Variants in FAT3 observed in about 807,000 individuals in gnomAD.
The protein encoded by FAT3 is FAT atypical cadherin 3, also known as protocadherin Fat 3.
A neutral mutation model predicts 310.2 loss-of-function variants in FAT3; 95 were observed. The observed-to-expected ratio is 0.31, with a 90% CI of 0.26 to 0.36. The LOEUF (loss-of-function observed/expected upper bound fraction) is 0.36, where lower values mean the gene tolerates loss of function less well. FAT3 is among the 10% of genes least tolerant of loss of function. The probability of loss-of-function intolerance (pLI) is 1.00; values close to 1 mark genes in which losing one functional copy is unlikely to be tolerated. For synonymous variants in FAT3, 2,314 were observed against 2,192.9 expected, an observed-to-expected ratio of 1.06 and a Z score of -1.54; for missense variants, 5,408 against 5,715.6, an observed-to-expected ratio of 0.95 and a Z score of 1.74.
At chr11:92,666,457 T>C (rs956103251) in intron 3 of FAT3, among the ~76,000 whole-genome samples, 1 of 151,404 alleles carries the variant, frequency 6.6e-6, no homozygotes, top group Non-Finnish European at 1.5e-5. Context: ...GTTCACGCCA[T>C]TCTCCTGCCT....
At chr11:92,270,479 G>A (rs1334410376) in intron 1 of FAT3, among the ~76,000 whole-genome samples, 1 of 151,078 alleles carries the variant, frequency 6.6e-6, no homozygotes, top group Non-Finnish European at 1.5e-5. Flanking sequence ...AGGAGTTCAA[G>A]ATCAGTCTGG....
chr11:92,393,466 C>A (rs1780558257), intron 2 of FAT3, among the ~76,000 whole-genome samples: 1 of 152,182 alleles, frequency 6.6e-6, no homozygotes, highest in Admixed American at 6.5e-5. Context: ...GCCAAACCAT[C>A]TGAACCATAT....
chr11:92,330,045 C>G (rs1565230828), intron 1 of FAT3, among the ~76,000 whole-genome samples: 2 of 152,022 alleles, frequency 1.3e-5, no homozygotes, highest in African/African-American at 4.8e-5. Context: ...CAACACTTAG[C>G]ATGAGAAGAA....
intron 6 of FAT3, among the ~76,000 whole-genome samples, chr11:92,768,182 G>T (rs1444902323): frequency 1.3e-5 from 2 of 152,060 alleles, no homozygotes; most frequent in East Asian, 3.9e-4. Context: ...GCACTTGTAG[G>T]TCTCTGAATG....
chr11:92,268,450 CAG>C (rs1946028489), intron 1 of FAT3, among the ~76,000 whole-genome samples: 1 of 140,366 alleles, frequency 7.1e-6, no homozygotes, highest in Non-Finnish European at 1.5e-5. Flanking sequence ...ACAATTGTAA[CAG>C]AAATTGGTAT....
intron 1 of FAT3, among the ~76,000 whole-genome samples, chr11:92,275,959 T>TGTGTGTGATACATATAAAATAC (rs1221795986): frequency 1.3e-5 from 2 of 152,186 alleles, no homozygotes; most frequent in Non-Finnish European, 2.9e-5. Context: ...ATCACGTTTA[T>TGTGTGTGATACATATAAAATAC]GTGTGTGATA....
intron 5 of FAT3, among the ~76,000 whole-genome samples, chr11:92,764,016 A>G (rs1439208308): frequency 6.6e-6 from 1 of 152,116 alleles, no homozygotes; most frequent in African/African-American, 2.4e-5. Flanking sequence ...GTAATACTTG[A>G]AAGTCCTTTT....
intron 1 of FAT3, among the ~76,000 whole-genome samples, chr11:92,280,068 A>T (rs1946382463): frequency 6.6e-6 from 1 of 152,194 alleles, no homozygotes; most frequent in African/African-American, 2.4e-5. Flanking sequence ...AATCTAGTAT[A>T]AAATCATAGG....
At chr11:92,400,608 C>T (rs1231659932) in intron 2 of FAT3, 2 of 151,864 alleles carry the variant, frequency 1.3e-5, no homozygotes, top group African/African-American at 2.4e-5. Context: ...TTCTTATAAA[C>T]AGCGCTATGA....
At chr11:92,719,229 A>C (rs1944783164) in intron 4 of FAT3, among the ~76,000 whole-genome samples, 2 of 152,284 alleles carry the variant, frequency 1.3e-5, no homozygotes, top group African/African-American at 4.8e-5. Flanking sequence ...GCCAGTTAGC[A>C]TTTCCTCCTC....
At chr11:92,673,603 A>T (rs1943197064) in intron 3 of FAT3, among the ~76,000 whole-genome samples, 1 of 152,114 alleles carries the variant, frequency 6.6e-6, no homozygotes, top group Non-Finnish European at 1.5e-5. Context: ...TTGCCTCCAA[A>T]AGTTTACAAT....
intron 9 of FAT3, among the ~76,000 whole-genome samples, chr11:92,794,638 G>A (rs961198510): frequency 6.6e-5 from 10 of 152,072 alleles, no homozygotes; most frequent in East Asian, 1.9e-4. Context: ...GTGCCCAGTC[G>A]TTTCTTTAAC....
intron 1 of FAT3, among the ~76,000 whole-genome samples, chr11:92,338,123 T>G (rs1405316698): frequency 6.6e-6 from 1 of 152,228 alleles, no homozygotes; most frequent in Non-Finnish European, 1.5e-5. Flanking sequence ...AAATTTCATC[T>G]AAATTCTTGT....
chr11:92,818,062 A>C (rs3847533), intron 13 of FAT3, among the ~76,000 whole-genome samples: 131,306 of 152,152 alleles, frequency 0.86, 56,732 homozygotes, highest in East Asian at 0.94. Flanking sequence ...TGTAAGAATC[A>C]AAAATGCTTG....
intron 2 of FAT3, among the ~76,000 whole-genome samples, chr11:92,429,144 G>A (rs1318494001): frequency 6.6e-6 from 1 of 151,980 alleles, no homozygotes; most frequent in Non-Finnish European, 1.5e-5. Context: ...GCCCTTCTTT[G>A]TCCTTTTTTA....
In FAT3 at chr11:92,883,013, G is replaced by C. The variant is rs1565676892; in HGVS notation, c.12557G>C (p.Arg4186Pro). 2 of 1,613,880 alleles carry C rather than the reference G, an allele frequency of 1.2e-6. No homozygotes were observed. The highest frequency in any genetic ancestry group is 8.5e-7 in the Non-Finnish European group (1 of 1,179,900). Residue 4186 changes from arginine (R) to proline (P), a missense_variant, in exon 24 of 28, where the codon CGC (arginine) becomes CCC (proline). Coordinates refer to ENST00000525166, the MANE Select transcript of FAT3 (RefSeq NM_001367949.2). The surrounding 1 kb of genome is among the most constrained non-coding windows in gnomAD (Gnocchi z 4.2). ...RKKVFRKNYS[R>P]NNITLVQDPA... ...AAGGTCTTCCGCAAGAACTACTCCC[G>C]CAACAACATCACGCTAGTGCAGGAC...
At chr11:92,585,865 C>A (rs1939121177) in intron 3 of FAT3, among the ~76,000 whole-genome samples, 1 of 151,426 alleles carries the variant, frequency 6.6e-6, no homozygotes, top group African/African-American at 2.4e-5. Flanking sequence ...GTACTTATTC[C>A]TACCAAAAAA....
Position 92,353,046 on chromosome 11 carries a change from T to C in FAT3, c.934T>C (p.Phe312Leu). 1 of 1,613,740 alleles carries C rather than the reference T, an allele frequency of 6.2e-7. No homozygotes were observed. Among genetic ancestry groups the C allele is most frequent in the Non-Finnish European group, 8.5e-7 (1 of 1,179,870 alleles). Residue 312 changes from phenylalanine (F) to leucine (L), a missense_variant, in exon 2 of 28, where the codon TTC becomes CTC. By Grantham distance (22) the Phe-to-Leu change is conservative. Around this residue, in one of 5 missense-constraint regions of FAT3, gnomAD observed 4,588 missense variants for 4,809.8 expected, o/e 0.95. Coordinates refer to ENST00000525166, the MANE Select transcript of FAT3 (RefSeq NM_001367949.2). ...SIVAGDPLDQ[F>L]FLAKEGKWLN... is the part of the protein sequence containing the mutation. ...TGTGGCTGGGGATCCTTTAGATCAG[T>C]TCTTCCTGGCTAAGGAAGGAAAGTG...
intron 25 of FAT3, among the ~76,000 whole-genome samples, chr11:92,888,392 C>T (rs1340162600): frequency 6.6e-6 from 1 of 152,184 alleles, no homozygotes; most frequent in Non-Finnish European, 1.5e-5. Flanking sequence ...CAGGCAGCAG[C>T]TCCAACAATG....
Sources: gnomAD v4.1 joint callset for allele counts (sites outside exome capture counted in the v4.1 genomes callset) on GRCh38, gnomAD v4.1.1 for gene constraint, gnomAD v4.1.1 regional missense constraint, Gnocchi (gnomAD v3.1) non-coding constraint, MANE v1.5 for transcripts, NCBI Gene and HGNC (gene_info 2026-07-23, HGNC 2026-07-21) for gene names.